The following PFKFB3 variants were observed in gnomAD, a reference collection of about 807,000 sequenced individuals.
PFKFB3 encodes the protein 6-phosphofructo-2-kinase/fructose-2,6-bisphosphatase 3.
Under a neutral mutation model 68.0 loss-of-function variants are expected in PFKFB3, and 33 were observed. The ratio of observed to expected loss-of-function variants is 0.49; its 90% confidence interval spans 0.37 to 0.65. PFKFB3 has a LOEUF of 0.65. PFKFB3 is among the 30% of genes least tolerant of loss of function. The pLI, the probability that PFKFB3 is intolerant of heterozygous loss-of-function variation, is 0.00. For synonymous variants in PFKFB3, 315 were observed against 288.2 expected, an observed-to-expected ratio of 1.09 and a Z score of -0.94; for missense variants, 586 against 712.2, an observed-to-expected ratio of 0.82 and a Z score of 2.02.
At chr10:6,147,946 A>T (rs1275051095) in intron 1 of PFKFB3, among the ~76,000 whole-genome samples, 1 of 152,128 alleles carries the variant, frequency 6.6e-6, no homozygotes, top group Non-Finnish European at 1.5e-5. Flanking sequence ...GCAACCAAAG[A>T]TCTTAGGTGC....
chr10:6,294,318 T>C, the PFKFB3 span: 2 of 438,712 alleles, frequency 4.6e-6, no homozygotes, highest in South Asian at 3.5e-5. Context: ...ACTTGGTAAT[T>C]TATAAAGGAA....
At chr10:6,320,132 T>C in the PFKFB3 span, among the ~76,000 whole-genome samples, 1 of 152,032 alleles carries the variant, frequency 6.6e-6, no homozygotes, top group Admixed American at 6.6e-5. Flanking sequence ...GCCCAAGAGG[T>C]TGAGGCTACA....
Position 6,217,123 on chromosome 10 carries a change from C to T in PFKFB3, c.442-12C>T. On this transcript the variant is annotated splice_polypyrimidine_tract_variant and intron_variant, in intron 5 of 14. Transcript: ENST00000379775. ...TGTTTGTTTTCTAACATCCCCACCT[C>T]ACTTCCACCAGGCGTTTTTCATCGA... 3.7e-6 allele frequency: 6 copies of T among 1,613,858 alleles called. No homozygotes were observed. The highest frequency in any genetic ancestry group is 5.1e-6 in the Non-Finnish European group (6 of 1,179,702).
the PFKFB3 span, among the ~76,000 whole-genome samples, chr10:6,285,851 G>A: frequency 6.6e-6 from 1 of 151,268 alleles, no homozygotes; most frequent in East Asian, 1.9e-4. Flanking sequence ...TTAGCATAAT[G>A]TTCTCAAGTT....
At chr10:6,308,173 T>A in the PFKFB3 span, among the ~76,000 whole-genome samples, 1 of 152,226 alleles carries the variant, frequency 6.6e-6, no homozygotes, top group South Asian at 2.1e-4. Flanking sequence ...TGGAAGCCAC[T>A]GACTTCAAAA....
chr10:6,289,022 A>T, the PFKFB3 span, among the ~76,000 whole-genome samples: 1 of 151,146 alleles, frequency 6.6e-6, no homozygotes, highest in African/African-American at 2.4e-5. Flanking sequence ...GTGTCTGTTC[A>T]TGTCCTTCAC....
chr10:6,216,994 C>A, intron 5 of PFKFB3, 141 bp from the exon 6 acceptor site: 1 of 909,526 alleles, frequency 1.1e-6, no homozygotes, highest in Admixed American at 1.9e-5. Context: ...CCAGAGGCTG[C>A]AGTGAGGAGG....
chr10:6,217,434 A>G (rs1195521705), intron 6 of PFKFB3, among the ~76,000 whole-genome samples: 2 of 152,180 alleles, frequency 1.3e-5, no homozygotes, highest in Non-Finnish European at 2.9e-5. Context: ...CGTAGGAAAT[A>G]ATTCAGGGAG....
the PFKFB3 span, among the ~76,000 whole-genome samples, chr10:6,296,482 A>G: frequency 6.6e-6 from 1 of 152,230 alleles, no homozygotes; most frequent in Non-Finnish European, 1.5e-5. Flanking sequence ...GTGAAGTAAT[A>G]AAAGAGTGGC....
At chr10:6,281,024 A>G in the PFKFB3 span, among the ~76,000 whole-genome samples, 1 of 150,756 alleles carries the variant, frequency 6.6e-6, no homozygotes, top group Non-Finnish European at 1.5e-5. Flanking sequence ...CTCATAGCTT[A>G]GCTCCCACTT....
chr10:6,279,901 T>G, the PFKFB3 span, among the ~76,000 whole-genome samples: 1 of 151,898 alleles, frequency 6.6e-6, no homozygotes, highest in Non-Finnish European at 1.5e-5. Context: ...CCTGGCTGCA[T>G]GCTGTGTGTG....
rs771011644 is a variant in PFKFB3 at position 6,173,132 on chromosome 10, C to T, written c.16+28119C>T. On this transcript the variant is annotated intron_variant, in intron 1 of 14. Coordinates refer to the PFKFB3 transcript ENST00000379789. ...CCTACTTGTCTACTTCGGGAACTCT[C>T]CTTCACCACTCACCTCACACCCTTC... Among the ~76,000 whole-genome samples, 54 of 152,334 alleles carry T rather than the reference C, an allele frequency of 3.5e-4. 1 individual carries two copies. Among genetic ancestry groups the T allele is most frequent in the Admixed American group, 7.8e-4 (12 of 15,298 alleles).
chr10:6,274,227 T>C, the PFKFB3 span, among the ~76,000 whole-genome samples: 3 of 151,850 alleles, frequency 2.0e-5, no homozygotes, highest in Non-Finnish European at 4.4e-5. Context: ...AAAAAACTGT[T>C]GTGTAAGTCC....
At chr10:6,237,676 C>T (rs1309551202), downstream of PFKFB3, among the ~76,000 whole-genome samples, 3 of 152,156 alleles carry the variant, frequency 2.0e-5, no homozygotes. Context: ...AGTCATCCTC[C>T]CACCTCTGCC....
At chr10:6,189,567 T>C (rs1383828652) in intron 1 of PFKFB3, among the ~76,000 whole-genome samples, 1 of 147,470 alleles carries the variant, frequency 6.8e-6, no homozygotes, top group Admixed American at 7.0e-5. Context: ...CAGGCTGGAG[T>C]GCAGTGGCGC....
chr10:6,144,978 C>A (rs1291902788), exon 1 of PFKFB3: 5 of 1,298,196 alleles, frequency 3.9e-6, no homozygotes, highest in Non-Finnish European at 4.9e-6. Context: ...GCCGGCCCCG[C>A]GGGGAGCGCC....
chr10:6,193,162 T>A (rs1333763637), intron 1 of PFKFB3, among the ~76,000 whole-genome samples: 1 of 152,160 alleles, frequency 6.6e-6, no homozygotes, highest in African/African-American at 2.4e-5. Flanking sequence ...CTGGGCAGCA[T>A]AATGAGACCC....
chr10:6,149,354 A>C (rs144642096), intron 1 of PFKFB3, among the ~76,000 whole-genome samples: 1 of 151,578 alleles, frequency 6.6e-6, no homozygotes, highest in African/African-American at 2.4e-5. Context: ...TGGGAGGCCA[A>C]GGCGGGTGGA....
chr10:6,150,159 A>G (rs1444066968), intron 1 of PFKFB3, among the ~76,000 whole-genome samples: 2 of 152,094 alleles, frequency 1.3e-5, no homozygotes, highest in East Asian at 3.9e-4. Flanking sequence ...AGACCGGAAC[A>G]CTCATTTGTT....
Sources: gnomAD v4.1 joint callset for allele counts (sites outside exome capture counted in the v4.1 genomes callset) on GRCh38, gnomAD v4.1.1 for gene constraint, MANE v1.5 for transcripts, NCBI Gene and HGNC (gene_info 2026-07-23, HGNC 2026-07-21) for gene names.